CTCFL: variants seen among roughly 807,000 people sequenced by gnomAD.
CTCFL encodes CCCTC-binding factor like, also known as transcriptional repressor CTCFL.
A neutral mutation model predicts 67.4 loss-of-function variants in CTCFL; 36 were observed. The ratio of observed to expected loss-of-function variants is 0.53; its 90% CI spans 0.41 to 0.71. The LOEUF is 0.71. Among genes scored for constraint, CTCFL ranks in the 30% least tolerant of loss-of-function variants. The pLI, the probability that CTCFL is intolerant of heterozygous loss-of-function variation, is 0.00. For synonymous variants in CTCFL, 324 were observed against 302.3 expected (o/e 1.07, Z -0.75); for missense variants, 786 against 835.2 (o/e 0.94, Z 0.73).
chr20:57,521,533 G>A (rs901866789), intron 3 of CTCFL, among the ~76,000 whole-genome samples: 1 of 152,194 alleles, frequency 6.6e-6, no homozygotes, highest in African/African-American at 2.4e-5. Flanking sequence ...ATTAAACATA[G>A]AGTAACCACA....
At chr20:57,501,108 T>C (rs1178632332) in intron 10 of CTCFL, among the ~76,000 whole-genome samples, 1 of 152,146 alleles carries the variant, frequency 6.6e-6, no homozygotes, top group African/African-American at 2.4e-5. Context: ...TATTCACTCG[T>C]TTATTCAACA....
chr20:57,504,501 A>G (rs996636724), intron 9 of CTCFL, among the ~76,000 whole-genome samples: 9 of 150,938 alleles, frequency 6.0e-5, no homozygotes, highest in African/African-American at 1.9e-4. Flanking sequence ...GGCTGGACTC[A>G]AAACTCCTGA....
intron 3 of CTCFL, among the ~76,000 whole-genome samples, chr20:57,522,134 C>T (rs1041476966): frequency 2.6e-5 from 4 of 152,236 alleles, no homozygotes; most frequent in Admixed American, 2.6e-4. Context: ...AACTCAACCA[C>T]CTATGGAAGG....
At position 57,523,918 on chromosome 20, in the gene CTCFL, A is replaced by G; in HGVS notation, c.288T>C (p.Asp96=). The change falls in exon 2 of 11, where the codon GAT becomes GAC. Residue 96 remains aspartate (D), a synonymous_variant. Coordinates refer to ENST00000243914, the MANE Select transcript of CTCFL (RefSeq NM_001386993.1). ...HFTSEAVELQ[D]MSLLSIQQQE... Reference sequence around the variant, plus strand: ...GCTGCTGTATGCTCAGCAAGCTCATATCCTGCAACTCCACAGCTTCAGAAG... The same window carrying G: ...GCTGCTGTATGCTCAGCAAGCTCATGTCCTGCAACTCCACAGCTTCAGAAG... 1 of 1,613,026 alleles carries G rather than the reference A, an allele frequency of 6.2e-7. No homozygotes were observed. The highest frequency in any genetic ancestry group is 1.3e-5 in the African/African-American group (1 of 74,998).
rs1168610947 is a variant in CTCFL, at chr20:57,512,676, T to C, written c.1407A>G (p.Glu469=). The C allele has an allele frequency of 8.1e-6, 13 of 1,614,116 alleles. No individual in the cohort carries two copies. The highest frequency in any genetic ancestry group is 1.1e-5 in the Non-Finnish European group (13 of 1,180,042). ...KCRYCSAVFH[E]RYALIQHQKT... ...TCTGGTGCTGAATGAGGGCATAGCG[T>C]TCATGGAAGACAGCAGAACAGTAGC... The change falls in exon 8 of 11, where the codon GAA becomes GAG. Residue 469 remains glutamate (E), a synonymous_variant. Coordinates refer to ENST00000243914, the MANE Select transcript of CTCFL (RefSeq NM_001386993.1).
intron 10 of CTCFL, chr20:57,499,892 C>CCCA (rs10659599): frequency 0.26 from 228,067 of 875,160 alleles, 31,214 homozygotes; most frequent in Admixed American, 0.39. Context: ...CACTCCCTCA[C>CCCA]CCACTGCTCA....
intron 7 of CTCFL, chr20:57,513,714 C>G: frequency 8.3e-7 from 1 of 1,202,264 alleles, no homozygotes; most frequent in African/African-American, 1.6e-5. Flanking sequence ...GAACACCTTT[C>G]GCCTTTCAGA....
intron 3 of CTCFL, among the ~76,000 whole-genome samples, chr20:57,520,725 C>T (rs931762419): frequency 8.5e-5 from 13 of 152,242 alleles, no homozygotes; most frequent in Admixed American, 3.3e-4. Flanking sequence ...AATCCAACAC[C>T]GTTTTCTTGA....
chr20:57,513,574 CA>C, intron 7 of CTCFL: 2 of 1,107,726 alleles, frequency 1.8e-6, no homozygotes, highest in Non-Finnish European at 2.2e-6. Context: ...GCCATGGTGT[CA>C]AAAAAGTCTA....
chr20:57,496,184 T>A, downstream of CTCFL: 1 of 518,628 alleles, frequency 1.9e-6, no homozygotes, highest in South Asian at 2.9e-5. Flanking sequence ...CTCATGACAG[T>A]GGCGGTTCTC....
chr20:57,521,005 A>G (rs1355169344), intron 3 of CTCFL, among the ~76,000 whole-genome samples: 1 of 152,256 alleles, frequency 6.6e-6, no homozygotes, highest in African/African-American at 2.4e-5. Context: ...TTGGAGGAGT[A>G]ATGCATCTGC....
intron 7 of CTCFL, among the ~76,000 whole-genome samples, chr20:57,514,211 A>G (rs2068751042): frequency 6.6e-6 from 1 of 152,202 alleles, no homozygotes; most frequent in Non-Finnish European, 1.5e-5. Flanking sequence ...ACTGATAAAT[A>G]GGAACCCAGA....
At chr20:57,518,930 T>G (rs765853313) in intron 4 of CTCFL, 39 bp from the exon 5 acceptor site, 6 of 1,574,456 alleles carry the variant, frequency 3.8e-6, no homozygotes, top group Non-Finnish European at 4.3e-6. Context: ...AAACAAGACT[T>G]AACCAGAAAC....
Position 57,516,262 on chromosome 20 carries a change from G to A in CTCFL, c.1060-428C>T, listed in dbSNP as rs375895369. 3.5e-4 allele frequency among the ~76,000 whole-genome samples: 53 copies of A among 152,184 alleles called. 1 individual carries two copies. Among genetic ancestry groups the A allele is most frequent in the African/African-American group, 9.7e-4 (40 of 41,426 alleles). On this transcript the variant is annotated intron_variant, in intron 5 of 10. Transcript: ENST00000243914. ...ATCTTGAAACTCTAGCTCTCGTTGG[G>A]TGTGGTGGCTCACGCCTGTAATCCC...
At chr20:57,499,715 G>A (rs754374891) in intron 10 of CTCFL, 10 of 182,024 alleles carry the variant, frequency 5.5e-5, no homozygotes, top group African/African-American at 1.9e-4. Flanking sequence ...GTGACAGATC[G>A]TCGGGCATTA....
At chr20:57,509,633 A>T (rs2068429517) in intron 8 of CTCFL, among the ~76,000 whole-genome samples, 1 of 152,226 alleles carries the variant, frequency 6.6e-6, no homozygotes, top group Non-Finnish European at 1.5e-5. Context: ...TATGAAGTCA[A>T]GCAAAAGTAC....
At chr20:57,524,827 C>T in intron 1 of CTCFL, 7 of 899,020 alleles carry the variant, frequency 7.8e-6, no homozygotes, top group Non-Finnish European at 8.0e-6. Context: ...CCAGACCAAG[C>T]ACACTCCCTC....
chr20:57,514,693 C>G lies in CTCFL; in HGVS notation c.1229G>C (p.Ser410Thr). ...CHICHTRFTQSGTMKIHILQK... is the reference protein window; with the variant it reads ...CHICHTRFTQTGTMKIHILQK... ...CAGAATATGTATTTTCATGGTCCCG[C>G]TCTGGGTGAAGCGGGTGTGGCAGAT... is the stretch of plus-strand genomic sequence containing the variant. Residue 410 changes from serine to threonine, a missense_variant, in exon 7 of 11, where the codon AGC (serine) becomes ACC (threonine). By Grantham distance (58) the Ser-to-Thr change is moderately conservative. Coordinates refer to ENST00000243914, the MANE Select transcript of CTCFL (RefSeq NM_001386993.1). The G allele has an allele frequency of 6.2e-7, 1 of 1,614,216 alleles. No individual in the cohort carries two copies. The highest frequency in any genetic ancestry group is 8.5e-7 in the Non-Finnish European group (1 of 1,180,036).
chr20:57,514,774 C>T (rs369428713), intron 6 of CTCFL, 33 bp from the exon 7 acceptor site: 1 of 1,591,424 alleles, frequency 6.3e-7, no homozygotes, highest in Non-Finnish European at 8.6e-7. Flanking sequence ...ATTCCCCCTC[C>T]AGGCCTGATC....
Sources: gnomAD v4.1 joint callset for allele counts (sites outside exome capture counted in the v4.1 genomes callset) on GRCh38, gnomAD v4.1.1 for gene constraint, MANE v1.5 for transcripts, NCBI Gene and HGNC (gene_info 2026-07-23, HGNC 2026-07-21) for gene names.